RAB8B: variants seen among roughly 807,000 people sequenced by gnomAD.
RAB8B encodes the protein ras-related protein Rab-8B.
In RAB8B, 11 loss-of-function variants were observed where a neutral mutation model predicts 32.0. The observed-to-expected ratio is 0.34, with a 90% CI of 0.22 to 0.57. The LOEUF (loss-of-function observed/expected upper bound fraction) is 0.57, where lower values mean the gene tolerates loss of function less well. Among genes scored for constraint, RAB8B ranks in the 20% least tolerant of loss-of-function variants. The probability of loss-of-function intolerance (pLI) is 0.86; values close to 1 mark genes in which losing one functional copy is unlikely to be tolerated. For missense variants in RAB8B, 190 were observed against 258.5 expected (o/e 0.73, Z 1.82); for synonymous variants, 103 against 89.6 (o/e 1.15, Z -0.85).
At chr15:63,213,244 A>G (rs775576282) in intron 1 of RAB8B, among the ~76,000 whole-genome samples, 1 of 152,162 alleles carries the variant, frequency 6.6e-6, no homozygotes, top group Non-Finnish European at 1.5e-5. Context: ...TCTTCCTTCA[A>G]ATAAAATCTG....
At chr15:63,211,894 C>T (rs1202313603) in intron 1 of RAB8B, among the ~76,000 whole-genome samples, 3 of 152,048 alleles carry the variant, frequency 2.0e-5, no homozygotes, top group Non-Finnish European at 4.4e-5. Context: ...TGCAGTGGCG[C>T]AATCATGGCT....
chr15:63,206,093 C>T (rs180746705), intron 1 of RAB8B, among the ~76,000 whole-genome samples: 2 of 152,292 alleles, frequency 1.3e-5, no homozygotes, highest in African/African-American at 4.8e-5. Context: ...ACTCTTGGGT[C>T]CCTGCAGTAG....
At chr15:63,238,872 A>G (rs2038006931) in intron 1 of RAB8B, among the ~76,000 whole-genome samples, 1 of 152,232 alleles carries the variant, frequency 6.6e-6, no homozygotes, top group Admixed American at 6.5e-5. Context: ...CCAGAACATG[A>G]CATTCCCATG....
rs2038243323 is a variant in RAB8B at position 63,266,006 on chromosome 15, C to T, written c.*2387C>T. 6.6e-6 allele frequency: 1 copy of T among 152,550 alleles called. No homozygotes were observed. The highest frequency in any genetic ancestry group is 6.5e-5 in the Admixed American group (1 of 15,274). 9.4% of individuals were successfully genotyped at this position (152,550 alleles called of 1,614,324 possible). A position where few individuals can be genotyped will look rare whatever the true frequency, so the allele number is the denominator to read the frequency against. ...GCTAAGACCTTAGGAAATTCACTTT[C>T]TGCATGATAAAATGACCCAATAAAT... On this transcript the variant is annotated 3_prime_UTR_variant, in exon 8 of 8. Coordinates refer to ENST00000321437, the MANE Select transcript of RAB8B (RefSeq NM_016530.3).
intron 1 of RAB8B, among the ~76,000 whole-genome samples, chr15:63,199,493 A>G (rs937414530): frequency 6.6e-6 from 1 of 152,184 alleles, no homozygotes; most frequent in East Asian, 1.9e-4. Flanking sequence ...AAAATTTCCA[A>G]CCTTATAGAA....
chr15:63,256,517 G>A lies in RAB8B; in HGVS notation c.337G>A (p.Asp113Asn), dbSNP rs745407916. The A allele has an allele frequency of 1.4e-5, 22 of 1,600,374 alleles. No individual in the cohort carries two copies. In the Admixed American group the frequency reaches 2.3e-4, roughly 17 times the overall value. Residue 113 changes from aspartate to asparagine, a missense_variant, in exon 5 of 8, where the codon GAT (aspartate) becomes AAT (asparagine). By Grantham distance (23) the Asp-to-Asn change is conservative. Transcript: ENST00000321437. ...IRNIEEHASSDVERMILGNKC... is the reference protein window; with the variant it reads ...IRNIEEHASSNVERMILGNKC... ...TTTCTCCCTGCAGCATGCCTCTTCC[G>A]ATGTCGAAAGAATGATCCTGGGTAA...
intron 1 of RAB8B, among the ~76,000 whole-genome samples, chr15:63,218,734 A>C (rs548547951): frequency 6.6e-6 from 1 of 152,314 alleles, no homozygotes; most frequent in East Asian, 1.9e-4. Context: ...CAGGTGATAC[A>C]GGAATTCCCG....
chr15:63,213,365 T>C (rs915418453), intron 1 of RAB8B, among the ~76,000 whole-genome samples: 9 of 152,190 alleles, frequency 5.9e-5, no homozygotes, highest in African/African-American at 2.2e-4. Flanking sequence ...CTTAGGTCAG[T>C]TGATTGGTGC....
intron 1 of RAB8B, among the ~76,000 whole-genome samples, chr15:63,216,108 GT>G (rs1024862223): frequency 7.3e-5 from 11 of 151,272 alleles, no homozygotes; most frequent in African/African-American, 2.4e-4. Context: ...CATATGATGT[GT>G]TTTTCTTCTC....
intron 1 of RAB8B, among the ~76,000 whole-genome samples, chr15:63,225,502 G>T (rs2037881172): frequency 6.6e-6 from 1 of 152,126 alleles, no homozygotes; most frequent in Non-Finnish European, 1.5e-5. Flanking sequence ...AGCCTTTTGG[G>T]TGATAAATAT....
chr15:63,210,927 A>T (rs2037741631), intron 1 of RAB8B, among the ~76,000 whole-genome samples: 1 of 152,370 alleles, frequency 6.6e-6, no homozygotes, highest in African/African-American at 2.4e-5. Flanking sequence ...TTCTATCAGC[A>T]TACTCGAGAT....
At chr15:63,243,091 G>A (rs974502592) in intron 1 of RAB8B, among the ~76,000 whole-genome samples, 1 of 152,216 alleles carries the variant, frequency 6.6e-6, no homozygotes, top group Non-Finnish European at 1.5e-5. Context: ...TCATAGGAGT[G>A]CACAACCTAG....
chr15:63,212,420 G>A (rs752249919), intron 1 of RAB8B, among the ~76,000 whole-genome samples: 6 of 152,142 alleles, frequency 3.9e-5, no homozygotes, highest in Non-Finnish European at 7.3e-5. Context: ...CTCATTTTGC[G>A]TGAAAATTTT....
chr15:63,229,889 T>G (rs2037921963), intron 1 of RAB8B, among the ~76,000 whole-genome samples: 1 of 150,774 alleles, frequency 6.6e-6, no homozygotes, highest in Admixed American at 6.6e-5. Context: ...TATTTTAAGG[T>G]GAATGGCTAC....
intron 3 of RAB8B, among the ~76,000 whole-genome samples, chr15:63,254,657 A>G (rs1358625388): frequency 6.6e-6 from 1 of 152,146 alleles, no homozygotes; most frequent in African/African-American, 2.4e-5. Context: ...TCACACCTGT[A>G]ATCCCAGCAC....
intron 1 of RAB8B, among the ~76,000 whole-genome samples, chr15:63,208,757 C>T (rs2037720951): frequency 6.6e-6 from 1 of 152,028 alleles, no homozygotes; most frequent in South Asian, 2.1e-4. Context: ...CACCCCCAAC[C>T]CAACCACCAA....
intron 1 of RAB8B, among the ~76,000 whole-genome samples, chr15:63,214,278 GTTTC>G (rs1349952159): frequency 7.4e-6 from 1 of 135,486 alleles, no homozygotes; most frequent in Non-Finnish European, 1.6e-5. Flanking sequence ...GGTACGCTCA[GTTTC>G]TTTCTTTTTT....
intron 1 of RAB8B, among the ~76,000 whole-genome samples, chr15:63,232,287 T>C (rs534458971): frequency 6.6e-6 from 1 of 152,216 alleles, no homozygotes; most frequent in Non-Finnish European, 1.5e-5. Context: ...ATTAGATCAT[T>C]ATATTTTAAC....
rs181340946 is a variant in RAB8B, at chr15:63,238,144, G to A, written c.125-6612G>A. Among the ~76,000 whole-genome samples, 126 of 151,934 alleles carry A rather than the reference G, an allele frequency of 8.3e-4. 1 individual carries two copies. The highest frequency in any genetic ancestry group is 2.9e-3 in the African/African-American group (121 of 41,414). Reference sequence around the variant, plus strand: ...CCATTTTGGTTACCATAGCTCTGTAGTATAATTTAAACAAAGGGCTTTTTG... The same window carrying A: ...CCATTTTGGTTACCATAGCTCTGTAATATAATTTAAACAAAGGGCTTTTTG... On this transcript the variant is annotated intron_variant, in intron 1 of 7. Transcript: ENST00000321437.
Sources: allele counts gnomAD v4.1 joint callset (sites outside exome capture counted in the v4.1 genomes callset), GRCh38; gene constraint gnomAD v4.1.1; transcripts MANE v1.5; gene names NCBI Gene and HGNC (gene_info 2026-07-23, HGNC 2026-07-21).